The following KCTD4 variants were observed in gnomAD, a reference collection of about 807,000 sequenced individuals.
KCTD4 encodes the protein potassium channel tetramerization domain containing 4.
KCTD4 carries 12 observed loss-of-function variants against 18.3 expected under a neutral mutation model. That is an observed-to-expected ratio of 0.66 (90% CI 0.42 to 1.06). The LOEUF (loss-of-function observed/expected upper bound fraction) is 1.06, where lower values mean the gene tolerates loss of function less well. Among genes scored for constraint, KCTD4 ranks in the 50% least tolerant of loss-of-function variants. The pLI is 0.00. For missense variants in KCTD4, 250 were observed against 303.4 expected, an observed-to-expected ratio of 0.82 and a Z score of 1.31; for synonymous variants, 124 against 110.5, an observed-to-expected ratio of 1.12 and a Z score of -0.76.
At chr13:45,194,935 AT>A (rs563341354) in intron 1 of KCTD4, among the ~76,000 whole-genome samples, 181 bp from the exon 2 acceptor site, 28 of 152,356 alleles carry the variant, frequency 1.8e-4, no homozygotes, top group Admixed American at 3.3e-4. Flanking sequence ...ATGTTTAACT[AT>A]TTCTAAATGC....
intron 1 of KCTD4, among the ~76,000 whole-genome samples, chr13:45,199,677 C>T (rs1049311859): frequency 1.3e-5 from 2 of 152,158 alleles, no homozygotes; most frequent in Non-Finnish European, 1.5e-5. Flanking sequence ...TGCAATTTTA[C>T]TTTCTCTTTG....
At chr13:45,199,291 G>A (rs1225764537) in intron 1 of KCTD4, among the ~76,000 whole-genome samples, 5 of 152,180 alleles carry the variant, frequency 3.3e-5, no homozygotes, top group Admixed American at 6.5e-5. Context: ...AAAAACATAA[G>A]GCACTATGTG....
At chr13:45,195,358 T>A (rs1872837406) in intron 1 of KCTD4, among the ~76,000 whole-genome samples, 1 of 152,160 alleles carries the variant, frequency 6.6e-6, no homozygotes, top group Non-Finnish European at 1.5e-5. Flanking sequence ...TGTGGAAAAT[T>A]CATGAACTTG....
chr13:45,194,691 T>C lies in KCTD4; in HGVS notation c.-124A>G. ...TGATGGAATGGAAACGCTGGCAGCA[T>C]CGCCTGCGCTGTCAGCTCGGTTTTG... On this transcript the variant is annotated 5_prime_UTR_variant, in exon 2 of 2. An upstream start codon of the reference 5' UTR is lost. Coordinates refer to ENST00000379108, the MANE Select transcript of KCTD4 (RefSeq NM_198404.3). The C allele has an allele frequency of 5.8e-6, 5 of 855,470 alleles. No homozygotes were observed. Among genetic ancestry groups the C allele is most frequent in the Non-Finnish European group, 9.2e-6 (5 of 541,728 alleles). 53.0% of individuals were successfully genotyped at this position (855,470 alleles called of 1,614,324 possible).
At chr13:45,200,712 T>C (rs1873139705) in intron 1 of KCTD4, among the ~76,000 whole-genome samples, 112 bp downstream of exon 1, 1 of 152,234 alleles carries the variant, frequency 6.6e-6, no homozygotes, top group Non-Finnish European at 1.5e-5. Flanking sequence ...GTACCTTTTA[T>C]TAGTAGACCT....
intron 1 of KCTD4, among the ~76,000 whole-genome samples, chr13:45,198,703 T>A (rs1181037063): frequency 6.6e-6 from 1 of 152,174 alleles, no homozygotes; most frequent in East Asian, 1.9e-4. Context: ...CCACATTTTT[T>A]TTTTGTTTTT....
At chr13:45,196,358 A>T (rs891620845) in intron 1 of KCTD4, among the ~76,000 whole-genome samples, 2 of 152,160 alleles carry the variant, frequency 1.3e-5, no homozygotes, top group South Asian at 4.1e-4. Flanking sequence ...CTCCTGCAGC[A>T]CTTAATAAGA....
chr13:45,193,899 AAG>A lies in KCTD4; in HGVS notation c.667_668del (p.Leu223Ter). The A allele has an allele frequency of 6.2e-7, 1 of 1,614,140 alleles. No homozygotes were observed. The highest frequency in any genetic ancestry group is 8.5e-7 in the Non-Finnish European group (1 of 1,179,990). ...DNTFVCTLETLKFEAIMMALK... is the reference protein window; with the variant it reads ...DNTFVCTLETXKFEAIMMALK... ...AAGCCATCATGATAGCCTCAAACTT[AAG>A]AGTTTCCAAGGTACAGACAAAGGTG... On this transcript the variant is annotated frameshift_variant, in exon 2 of 2. Transcript: ENST00000379108. LOFTEE classifies it high-confidence loss of function.
chr13:45,194,617 A>G lies in KCTD4; in HGVS notation c.-50T>C. 6.6e-7 allele frequency: 1 copy of G among 1,507,508 alleles called. No individual in the cohort carries two copies. Among genetic ancestry groups the G allele is most frequent in the Non-Finnish European group, 9.0e-7 (1 of 1,106,388 alleles). 93.4% of individuals were successfully genotyped at this position (1,507,508 alleles called of 1,614,324 possible). On this transcript the variant is annotated 5_prime_UTR_variant, in exon 2 of 2. Transcript: ENST00000379108. ...GTTCTTCTTGGCTTTGAGATTTTTT[A>G]AAAAGAGACACTACCACACAAGCAC...
chr13:45,199,136 CT>C (rs1873048627), intron 1 of KCTD4, among the ~76,000 whole-genome samples: 1 of 152,216 alleles, frequency 6.6e-6, no homozygotes, highest in Admixed American at 6.5e-5. Flanking sequence ...AGGACGTAAC[CT>C]CTGGCCACAA....
At chr13:45,197,543 C>T (rs1025555098) in intron 1 of KCTD4, among the ~76,000 whole-genome samples, 5 of 151,342 alleles carry the variant, frequency 3.3e-5, no homozygotes, top group African/African-American at 7.3e-5. Context: ...CAGTAGGCCC[C>T]GCTGTATGCC....
At position 45,194,462 on chromosome 13, in the gene KCTD4, T is replaced by A. The variant is rs750585917; in HGVS notation, c.106A>T (p.Thr36Ser). 1 of 1,614,136 alleles carries A rather than the reference T, an allele frequency of 6.2e-7. No homozygotes were observed. Among genetic ancestry groups the A allele is most frequent in the Admixed American group, 1.7e-5 (1 of 60,022 alleles). Residue 36 changes from threonine (T) to serine (S), a missense_variant, in exon 2 of 2, where the codon ACC becomes TCC. By Grantham distance (58) the Thr-to-Ser change is moderately conservative. Coordinates refer to ENST00000379108, the MANE Select transcript of KCTD4 (RefSeq NM_198404.3). Reference protein sequence around the residue: ...QGKNCKSTLMTLNVGGYLYIT... With the variant: ...QGKNCKSTLMSLNVGGYLYIT... ...TATAAATATCCACCAACGTTGAGGG[T>A]CATCAGTGTGGATTTGCAGTTCTTT...
chr13:45,197,239 G>A (rs1022232622), intron 1 of KCTD4, among the ~76,000 whole-genome samples: 1 of 151,454 alleles, frequency 6.6e-6, no homozygotes, highest in South Asian at 2.1e-4. Flanking sequence ...GCTTATGCCT[G>A]TAATCCCAGC....
In KCTD4 at chr13:45,193,881, C is replaced by G; in HGVS notation, c.687G>C (p.Met229Ile). 6.2e-7 allele frequency: 1 copy of G among 1,614,114 alleles called. No individual in the cohort carries two copies. Among genetic ancestry groups the G allele is most frequent in the Non-Finnish European group, 8.5e-7 (1 of 1,179,988 alleles). The change falls in exon 2 of 2, where the codon ATG becomes ATC. Residue 229 changes from methionine to isoleucine, a missense_variant. Met to Ile is a conservative substitution (Grantham distance 10). Transcript: ENST00000379108. ...TLETLKFEAIMMALKCGFRLL... is the reference protein window; with the variant it reads ...TLETLKFEAIIMALKCGFRLL... ...GTCTAAAGCCACACTTTAAAGCCAT[C>G]ATGATAGCCTCAAACTTAAGAGTTT...
rs1873084825 is a variant in KCTD4, at chr13:45,199,770, T to C, written c.-188+1054A>G. 2.0e-5 allele frequency among the ~76,000 whole-genome samples: 3 copies of C among 152,198 alleles called. No individual in the cohort carries two copies. The South Asian group carries it at 6.2e-4, about 31-fold the overall frequency. ...ACTTTGAAAACTCTTGTAAAGGTAGTACAGTTAGGAAGTAAATGACTAAAG... is the reference window on the plus strand; with the variant it reads ...ACTTTGAAAACTCTTGTAAAGGTAGCACAGTTAGGAAGTAAATGACTAAAG... On this transcript the variant is annotated intron_variant, in intron 1 of 1. Transcript: ENST00000379108.
In KCTD4 at chr13:45,194,108, C is replaced by T. The variant is rs1381106819; in HGVS notation, c.460G>A (p.Gly154Arg). The T allele has an allele frequency of 2.5e-6, 4 of 1,614,020 alleles. No homozygotes were observed. The highest frequency in any genetic ancestry group is 1.1e-5 in the South Asian group (1 of 91,082). The change falls in exon 2 of 2, where the codon GGA becomes AGA. Residue 154 changes from glycine to arginine, a missense_variant. Physicochemically the swap from Gly to Arg is moderately radical, Grantham distance 125 (BLOSUM62 -2). Coordinates refer to ENST00000379108, the MANE Select transcript of KCTD4 (RefSeq NM_198404.3). ...EITDNHDRSQ[G>R]LRIFCNAPDF... ...GGAGCATTACAGAAGATTCTTAATC[C>T]TTGTGAACGATCGTGGTTATCTGTT...
chr13:45,194,941 A>G (rs1224486971), intron 1 of KCTD4, among the ~76,000 whole-genome samples, 187 bp from the exon 2 acceptor site: 3 of 152,248 alleles, frequency 2.0e-5, no homozygotes, highest in Admixed American at 6.5e-5. Context: ...AACTATTTCT[A>G]AATGCCTAAG....
intron 1 of KCTD4, among the ~76,000 whole-genome samples, chr13:45,196,026 A>G (rs1313959269): frequency 6.6e-6 from 1 of 152,198 alleles, no homozygotes; most frequent in Admixed American, 6.5e-5. Context: ...ATTTAACTGT[A>G]TGTTGACATA....
rs77478483 is a variant in KCTD4 at position 45,195,059 on chromosome 13, A to G, written c.-187-305T>C. Among the ~76,000 whole-genome samples the G allele has an allele frequency of 3.2e-4, 49 of 152,334 alleles. 1 individual carries two copies. The East Asian group carries it at 9.5e-3, about 29-fold the overall frequency. ...TTTAAAGTAAATTTAAGTAGGAAAC[A>G]TAAGGTGAAAATTCTAGGTGTATAC... On this transcript the variant is annotated intron_variant, in intron 1 of 1. Transcript: ENST00000379108.
Sources: allele counts gnomAD v4.1 joint callset (sites outside exome capture counted in the v4.1 genomes callset), GRCh38; gene constraint gnomAD v4.1.1; transcripts MANE v1.5; gene names NCBI Gene and HGNC (gene_info 2026-07-23, HGNC 2026-07-21).